Variants in GRIA4 observed in about 807,000 individuals in gnomAD.
The protein encoded by GRIA4 is glutamate ionotropic receptor AMPA type subunit 4, also known as glutamate receptor 4.
In GRIA4, 34 loss-of-function variants were observed where a neutral mutation model predicts 104.0. That is an observed-to-expected ratio of 0.33 (90% CI 0.25 to 0.44). The LOEUF (loss-of-function observed/expected upper bound fraction) is 0.44, where lower values mean the gene tolerates loss of function less well. Among genes scored for constraint, GRIA4 ranks in the 20% least tolerant of loss-of-function variants. The pLI is 1.00. For synonymous variants in GRIA4, 386 were observed against 381.9 expected, an observed-to-expected ratio of 1.01 and a Z score of -0.13; for missense variants, 750 against 1,096.5, an observed-to-expected ratio of 0.68 and a Z score of 4.46.
intron 5 of GRIA4, among the ~76,000 whole-genome samples, chr11:105,869,496 T>G (rs922276135): frequency 6.6e-6 from 1 of 152,082 alleles, no homozygotes; most frequent in Non-Finnish European, 1.5e-5. Flanking sequence ...GTAAGTTATA[T>G]TCCTCATTAG....
At position 105,642,032 on chromosome 11, in the gene GRIA4, C is replaced by T. The variant is rs1219766205; in HGVS notation, c.247+29598C>T. Among the ~76,000 whole-genome samples the T allele has an allele frequency of 2.6e-5, 4 of 152,152 alleles. No homozygotes were observed. In the East Asian group the frequency reaches 7.7e-4, roughly 29 times the overall value. ...CCTGTGTCTTAATATGGTCTTCCCT[C>T]TCTGCATGTCTGTGTCCTAATTCCT... On this transcript the variant is annotated intron_variant, in intron 3 of 16. Transcript: ENST00000282499.
intron 4 of GRIA4, among the ~76,000 whole-genome samples, chr11:105,838,034 A>G (rs117829336): frequency 2.0e-5 from 3 of 152,266 alleles, no homozygotes; most frequent in Non-Finnish European, 4.4e-5. Flanking sequence ...TTTTAGATTT[A>G]TACTAAGGTT....
intron 5 of GRIA4, among the ~76,000 whole-genome samples, chr11:105,867,352 A>C (rs1945458619): frequency 6.6e-6 from 1 of 152,188 alleles, no homozygotes; most frequent in African/African-American, 2.4e-5. Flanking sequence ...GCTGCCTACC[A>C]TGTCTAGTAC....
At chr11:105,658,054 G>A (rs1034411496) in intron 3 of GRIA4, among the ~76,000 whole-genome samples, 28 of 151,692 alleles carry the variant, frequency 1.8e-4, no homozygotes, top group Admixed American at 1.3e-3. Flanking sequence ...CAGAGAAAGT[G>A]TTAACAGCAT....
At chr11:105,752,228 C>A (rs1439493381) in intron 3 of GRIA4, among the ~76,000 whole-genome samples, 1 of 152,030 alleles carries the variant, frequency 6.6e-6, no homozygotes. Flanking sequence ...AGGCCGTGTA[C>A]CTGTTTCTCT....
At chr11:105,803,635 T>C (rs979793147) in intron 4 of GRIA4, among the ~76,000 whole-genome samples, 1 of 151,938 alleles carries the variant, frequency 6.6e-6, no homozygotes. Flanking sequence ...AACAGATCAA[T>C]AAATTGATGT....
intron 3 of GRIA4, among the ~76,000 whole-genome samples, chr11:105,632,763 G>A (rs528047147): frequency 2.0e-5 from 3 of 152,142 alleles, no homozygotes; most frequent in South Asian, 4.1e-4. Flanking sequence ...GCGGGACCCC[G>A]TTTCTCCAAA....
intron 4 of GRIA4, among the ~76,000 whole-genome samples, chr11:105,833,005 G>T (rs1944034880): frequency 6.6e-6 from 1 of 151,968 alleles, no homozygotes; most frequent in South Asian, 2.1e-4. Context: ...TTATGTGACT[G>T]TAAATCATCT....
intron 4 of GRIA4, among the ~76,000 whole-genome samples, chr11:105,844,775 T>C (rs1475595577): frequency 6.6e-6 from 1 of 152,226 alleles, no homozygotes; most frequent in African/African-American, 2.4e-5. Context: ...CTATTACTAT[T>C]AGTACTACTA....
intron 3 of GRIA4, among the ~76,000 whole-genome samples, chr11:105,619,202 T>G (rs1184679650): frequency 2.0e-5 from 3 of 151,892 alleles, no homozygotes; most frequent in Non-Finnish European, 4.4e-5. Flanking sequence ...GCCAGATGAG[T>G]TTGAATTGGC....
At chr11:105,770,081 T>C (rs984975712) in intron 4 of GRIA4, among the ~76,000 whole-genome samples, 8 of 152,102 alleles carry the variant, frequency 5.3e-5, no homozygotes, top group Admixed American at 3.9e-4. Flanking sequence ...TACTTTTTGG[T>C]GTGTTTAAGT....
chr11:105,698,833 A>G (rs897643844), intron 3 of GRIA4, among the ~76,000 whole-genome samples: 4 of 152,182 alleles, frequency 2.6e-5, no homozygotes, highest in Non-Finnish European at 5.9e-5. Flanking sequence ...AGGACTTTTC[A>G]CTCTGCACAT....
At chr11:105,683,279 GATTAT>G (rs1432578418) in intron 3 of GRIA4, among the ~76,000 whole-genome samples, 38 of 151,336 alleles carry the variant, frequency 2.5e-4, no homozygotes, top group South Asian at 1.0e-3. Context: ...TGCCTCTTTA[GATTAT>G]ATTATATTAA....
chr11:105,873,636 TC>T (rs1345196131), intron 5 of GRIA4, among the ~76,000 whole-genome samples: 1 of 152,200 alleles, frequency 6.6e-6, no homozygotes, highest in African/African-American at 2.4e-5. Context: ...AGATGGTATC[TC>T]ATTGTGGTTT....
intron 5 of GRIA4, among the ~76,000 whole-genome samples, chr11:105,875,891 GT>G (rs201794790): frequency 6.6e-6 from 1 of 151,498 alleles, no homozygotes; most frequent in African/African-American, 2.4e-5. Flanking sequence ...TTTTTTAATG[GT>G]TTTTTTGTGT....
At chr11:105,869,094 C>T (rs1945526992) in intron 5 of GRIA4, among the ~76,000 whole-genome samples, 1 of 152,022 alleles carries the variant, frequency 6.6e-6, no homozygotes, top group South Asian at 2.1e-4. Flanking sequence ...TGTCTCCTAG[C>T]AACTGTTACC....
chr11:105,618,798 A>G (rs1403283780), intron 3 of GRIA4, among the ~76,000 whole-genome samples: 5 of 151,890 alleles, frequency 3.3e-5, no homozygotes, highest in African/African-American at 9.7e-5. Context: ...CAGTGCCAAG[A>G]GTGCTGAAAG....
At chr11:105,966,498 C>T (rs1403039146) in intron 14 of GRIA4, among the ~76,000 whole-genome samples, 1 of 152,042 alleles carries the variant, frequency 6.6e-6, no homozygotes, top group Non-Finnish European at 1.5e-5. Context: ...ATAGACCTGT[C>T]TAGGGTGCCC....
rs139982935 is a variant in GRIA4 at position 105,804,132 on chromosome 11, C to G, written c.487+50912C>G. 2.1e-3 allele frequency among the ~76,000 whole-genome samples: 314 copies of G among 151,732 alleles called. 2 individuals carry two copies. The highest frequency in any genetic ancestry group is 7.0e-3 in the African/African-American group (291 of 41,392). On this transcript the variant is annotated intron_variant, in intron 4 of 16. Transcript: ENST00000282499. ...CATGCAGATTGGTAATCTAGTGGCT[C>G]TCATTTATATTACAAACAGAAAATG...
Sources: allele counts gnomAD v4.1 joint callset (sites outside exome capture counted in the v4.1 genomes callset), GRCh38; gene constraint gnomAD v4.1.1; transcripts MANE v1.5; gene names NCBI Gene and HGNC (gene_info 2026-07-23, HGNC 2026-07-21).